Variants in MANSC4 observed in about 807,000 individuals in gnomAD.
MANSC4 encodes MANSC domain containing 4.
In MANSC4, 11 loss-of-function variants were observed where a neutral mutation model predicts 11.4. That is an observed-to-expected ratio of 0.97 (90% CI 0.61 to 1.60). The LOEUF is 1.60. Among genes scored for constraint, MANSC4 ranks in the 40% most tolerant of loss-of-function variants. The pLI is 0.00. For synonymous variants in MANSC4, 123 were observed against 147.1 expected (o/e 0.84, Z 1.19); for missense variants, 354 against 404.6 (o/e 0.88, Z 1.07).
intron 1 of MANSC4, among the ~76,000 whole-genome samples, chr12:27,773,941 A>T (rs2062109548): frequency 6.6e-6 from 1 of 152,284 alleles, no homozygotes; most frequent in Admixed American, 6.5e-5. Context: ...AGAGGTCAGG[A>T]GTTTGAGACA....
At chr12:27,773,669 G>A (rs892883275) in intron 1 of MANSC4, among the ~76,000 whole-genome samples, 6 of 152,200 alleles carry the variant, frequency 3.9e-5, no homozygotes, top group Non-Finnish European at 5.9e-5. Context: ...AGTCCCAGGT[G>A]ATTTCCTAAG....
At chr12:27,764,813 A>G (rs150975350) in intron 3 of MANSC4, among the ~76,000 whole-genome samples, 1 of 138,456 alleles carries the variant, frequency 7.2e-6, no homozygotes, top group African/African-American at 2.7e-5. Context: ...TGGCATCATC[A>G]TTCTTCCATC....
intron 1 of MANSC4, among the ~76,000 whole-genome samples, chr12:27,777,361 C>T (rs1591811386): frequency 6.6e-6 from 1 of 152,208 alleles, no homozygotes; most frequent in Admixed American, 6.5e-5. Flanking sequence ...CCCACTGAAT[C>T]TGGCATTGTT....
intron 2 of MANSC4, 37 bp downstream of exon 2, chr12:27,771,008 TTTC>T: frequency 6.8e-7 from 1 of 1,468,416 alleles, no homozygotes; most frequent in Non-Finnish European, 9.2e-7. Flanking sequence ...TCCTTGGAAG[TTTC>T]TTCTTATTTT....
At position 27,768,402 on chromosome 12, in the gene MANSC4, C is replaced by CAA. The variant is rs201953091; in HGVS notation, c.230-1605_230-1604dup. The stretch of plus-strand genomic sequence containing the variant: ...TGGGCAACAGGATAAGACTCTGTCT[C>CAA]AAAAAAAAAAAAAAAAAAAAGAAAA... On this transcript the variant is annotated intron_variant, in intron 2 of 3. Transcript: ENST00000381273. 2.1e-3 allele frequency among the ~76,000 whole-genome samples: 235 copies of CAA among 109,622 alleles called. 6 individuals carry two copies. Among genetic ancestry groups the CAA allele is most frequent in the South Asian group, 3.9e-3 (12 of 3,106 alleles). The allele number at this position is 109,622 out of a possible 152,430, so 71.9% of individuals were successfully genotyped here.
Position 27,771,139 on chromosome 12 carries a change from C to T in MANSC4, c.138G>A (p.Glu46=), listed in dbSNP as rs555153513. ...ACTGGGCTCCCAGCTTCTGAGACTCCTCCAGATTGATTAGAAGACCTGGGA... is the reference window on the plus strand; with the variant it reads ...ACTGGGCTCCCAGCTTCTGAGACTCTTCCAGATTGATTAGAAGACCTGGGA... The part of the protein sequence containing the change: ...RRFPGLLINL[E]ESQKLGAQFL... Residue 46 remains glutamate (E), a synonymous_variant, in exon 2 of 4, where the codon GAG becomes GAA. Coordinates refer to ENST00000381273, the MANE Select transcript of MANSC4 (RefSeq NM_001146221.5). 5 of 1,551,894 alleles carry T rather than the reference C, an allele frequency of 3.2e-6. No homozygotes were observed. In the South Asian group the frequency reaches 4.8e-5, roughly 15 times the overall value.
chr12:27,768,125 G>T (rs991578505), intron 2 of MANSC4, among the ~76,000 whole-genome samples: 2 of 152,064 alleles, frequency 1.3e-5, no homozygotes, highest in Non-Finnish European at 2.9e-5. Flanking sequence ...CTGGCCAGGC[G>T]CAGTGGCTCA....
chr12:27,771,357 G>C lies in MANSC4; in HGVS notation c.-81C>G. On this transcript the variant is annotated 5_prime_UTR_variant, in exon 2 of 4. Transcript: ENST00000381273. Reference sequence around the variant, plus strand: ...ACACTGGAGTTTAGGACAGTCTCTGGAACGTCAGAGGTGTTGTTAAGGGAG... The same window carrying C: ...ACACTGGAGTTTAGGACAGTCTCTGCAACGTCAGAGGTGTTGTTAAGGGAG... 1 of 1,267,538 alleles carries C rather than the reference G, an allele frequency of 7.9e-7. No homozygotes were observed. Among genetic ancestry groups the C allele is most frequent in the Non-Finnish European group, 1.1e-6 (1 of 917,368 alleles). The allele number at this position is 1,267,538 out of a possible 1,614,324, so 78.5% of individuals were successfully genotyped here.
chr12:27,763,473 G>A lies in MANSC4; in HGVS notation c.365-77C>T, dbSNP rs146350320. 13 of 1,391,714 alleles carry A rather than the reference G, an allele frequency of 9.3e-6. No individual in the cohort carries two copies. The Admixed American group carries it at 2.4e-4, about 26-fold the overall frequency. The allele number at this position is 1,391,714 out of a possible 1,614,324, so 86.2% of individuals were successfully genotyped here. ...ACCCTAAAGCACAGTTTGGAGAAGG[G>A]GTTGGCTTTTGCCGCTATGAGTTAT... is the stretch of plus-strand genomic sequence containing the variant. On this transcript the variant is annotated intron_variant, in intron 3 of 3. Coordinates refer to ENST00000381273, the MANE Select transcript of MANSC4 (RefSeq NM_001146221.5).
At position 27,763,345 on chromosome 12, in the gene MANSC4, GTATTTAGA is replaced by G. The variant is rs1565475634; in HGVS notation, c.408_415del (p.Leu137SerfsTer6). On this transcript the variant is annotated frameshift_variant, in exon 4 of 4. Transcript: ENST00000381273. LOFTEE classifies it low-confidence loss of function (END_TRUNC). Reference sequence around the variant, plus strand: ...GTCCCATCTATTGGATGAAGAACGAGTATTTAGATATGTGGGAGATTGTTCAAAAACCA... The same window carrying G: ...GTCCCATCTATTGGATGAAGAACGAGTATGTGGGAGATTGTTCAAAAACCA... The G allele has an allele frequency of 6.4e-7, 1 of 1,551,814 alleles. No homozygotes were observed. Among genetic ancestry groups the G allele is most frequent in the Admixed American group, 2.0e-5 (1 of 50,952 alleles).
At chr12:27,767,493 C>T (rs1032948764) in intron 2 of MANSC4, among the ~76,000 whole-genome samples, 37 of 152,020 alleles carry the variant, frequency 2.4e-4, no homozygotes, top group Admixed American at 1.3e-3. Flanking sequence ...CACCTGAGGT[C>T]GGGAGTTCCA....
In MANSC4 at chr12:27,771,507, A is replaced by G. The variant is rs2062101008; in HGVS notation, c.-231T>C. Among the ~76,000 whole-genome samples, 1 of 152,172 alleles carries G rather than the reference A, an allele frequency of 6.6e-6. No homozygotes were observed. The highest frequency in any genetic ancestry group is 2.1e-4 in the South Asian group (1 of 4,828). On this transcript the variant is annotated 5_prime_UTR_variant, in exon 2 of 4. Transcript: ENST00000381273. ...TGATTTGCTGGCATTCTTTCTGAAC[A>G]CTTTCCAGGCTATTTCAATACCCTG...
chr12:27,773,950 C>A (rs1431880848), intron 1 of MANSC4, among the ~76,000 whole-genome samples: 1 of 152,068 alleles, frequency 6.6e-6, no homozygotes, highest in Non-Finnish European at 1.5e-5. Flanking sequence ...GAGTTTGAGA[C>A]AAATGTGGCC....
At chr12:27,765,860 A>T (rs2062070239) in intron 3 of MANSC4, among the ~76,000 whole-genome samples, 1 of 152,206 alleles carries the variant, frequency 6.6e-6, no homozygotes, top group African/African-American at 2.4e-5. Flanking sequence ...CCCTGAGATT[A>T]CATAAATGGG....
chr12:27,768,631 A>C (rs2062085436), intron 2 of MANSC4, among the ~76,000 whole-genome samples: 1 of 123,820 alleles, frequency 8.1e-6, no homozygotes, highest in African/African-American at 3.1e-5. Flanking sequence ...ATTGGCCAAA[A>C]GGTACCGACT....
chr12:27,769,313 C>T (rs1047168452), intron 2 of MANSC4, among the ~76,000 whole-genome samples: 5 of 152,168 alleles, frequency 3.3e-5, no homozygotes, highest in African/African-American at 1.2e-4. Flanking sequence ...TCCTTGTATA[C>T]GTTTTGGCAT....
At chr12:27,773,746 C>T (rs2062108967) in intron 1 of MANSC4, among the ~76,000 whole-genome samples, 1 of 152,170 alleles carries the variant, frequency 6.6e-6, no homozygotes, top group Non-Finnish European at 1.5e-5. Flanking sequence ...AACAACGATG[C>T]TCAACCTAGT....
rs1565478920 is a variant in MANSC4 at position 27,775,023 on chromosome 12, C to CT, written c.-306-3442_-306-3441insA. 5.6e-4 allele frequency among the ~76,000 whole-genome samples: 75 copies of CT among 132,916 alleles called. 2 individuals carry two copies. The highest frequency in any genetic ancestry group is 2.0e-3 in the East Asian group (9 of 4,610). 87.2% of individuals were successfully genotyped at this position (132,916 alleles called of 152,430 possible). On this transcript the variant is annotated intron_variant, in intron 1 of 3. Coordinates refer to ENST00000381273, the MANE Select transcript of MANSC4 (RefSeq NM_001146221.5). Reference sequence around the variant, plus strand: ...TGGGCGACAGAGCGAGATTCCGTCTCAAAATAAATAAATAAATAAATAAAT... The same window carrying CT: ...TGGGCGACAGAGCGAGATTCCGTCTCTAAAATAAATAAATAAATAAATAAAT...
intron 1 of MANSC4, among the ~76,000 whole-genome samples, chr12:27,778,983 C>T (rs748634260): frequency 2.6e-5 from 4 of 152,248 alleles, no homozygotes; most frequent in Non-Finnish European, 5.9e-5. Flanking sequence ...ATTCTCCTGC[C>T]TCAGCCTCCC....
Sources: gnomAD v4.1 joint callset for allele counts (sites outside exome capture counted in the v4.1 genomes callset) on GRCh38, gnomAD v4.1.1 for gene constraint, MANE v1.5 for transcripts, NCBI Gene and HGNC (gene_info 2026-07-23, HGNC 2026-07-21) for gene names.